RUNDC3B: variants seen among roughly 807,000 people sequenced by gnomAD.
The protein encoded by RUNDC3B is RUN domain containing 3B.
Under a neutral mutation model 58.4 loss-of-function variants are expected in RUNDC3B, and 33 were observed. The observed-to-expected ratio is 0.56, with a 90% CI of 0.43 to 0.75. The LOEUF is 0.75. Ranked by LOEUF, RUNDC3B falls within the 30% of genes least tolerant of loss-of-function variation. The pLI is 0.00. For synonymous variants in RUNDC3B, 193 were observed against 195.2 expected, an observed-to-expected ratio of 0.99 and a Z score of 0.10; for missense variants, 501 against 535.7, an observed-to-expected ratio of 0.94 and a Z score of 0.64.
intron 2 of RUNDC3B, among the ~76,000 whole-genome samples, chr7:87,658,902 T>G (rs1303562449): frequency 1.3e-5 from 2 of 152,116 alleles, no homozygotes; most frequent in African/African-American, 4.8e-5. Flanking sequence ...AAGAAAGAAC[T>G]TTAGGCTGGG....
At chr7:87,690,793 T>A (rs915701094) in intron 2 of RUNDC3B, among the ~76,000 whole-genome samples, 1 of 152,166 alleles carries the variant, frequency 6.6e-6, no homozygotes, top group Non-Finnish European at 1.5e-5. Context: ...TATTATCTGA[T>A]CACTTATAAT....
At chr7:87,644,488 G>A (rs1584984857) in intron 1 of RUNDC3B, among the ~76,000 whole-genome samples, 1 of 152,098 alleles carries the variant, frequency 6.6e-6, no homozygotes, top group Admixed American at 6.6e-5. Flanking sequence ...GGATACTTAC[G>A]TTCTATTAAA....
chr7:87,773,233 G>A (rs1328964775), intron 7 of RUNDC3B, among the ~76,000 whole-genome samples: 1 of 149,376 alleles, frequency 6.7e-6, no homozygotes, highest in Non-Finnish European at 1.5e-5. Context: ...TGAGGCAGGA[G>A]AATGGCATGA....
At chr7:87,806,277 A>G (rs1437470120) in intron 8 of RUNDC3B, among the ~76,000 whole-genome samples, 2 of 152,214 alleles carry the variant, frequency 1.3e-5, no homozygotes, top group Admixed American at 6.6e-5. Flanking sequence ...TTACTCCATT[A>G]GTATCATTGT....
intron 2 of RUNDC3B, among the ~76,000 whole-genome samples, chr7:87,697,520 G>A (rs1476374421): frequency 6.6e-6 from 1 of 152,180 alleles, no homozygotes; most frequent in Admixed American, 6.5e-5. Flanking sequence ...AGTTGGATTA[G>A]GGAGTAAGTT....
chr7:87,824,364 G>A (rs1837676123), intron 10 of RUNDC3B, among the ~76,000 whole-genome samples: 1 of 152,164 alleles, frequency 6.6e-6, no homozygotes, highest in Non-Finnish European at 1.5e-5. Context: ...GAGTTTCCCT[G>A]CACAAGCTCT....
At chr7:87,827,223 C>A (rs190025057) in intron 10 of RUNDC3B, among the ~76,000 whole-genome samples, 44 of 152,320 alleles carry the variant, frequency 2.9e-4, no homozygotes, top group African/African-American at 1.0e-3. Flanking sequence ...CATGGTGGCT[C>A]ATGCCTGTAA....
At chr7:87,772,358 A>ACACTGC (rs1482473039) in intron 7 of RUNDC3B, among the ~76,000 whole-genome samples, 2 of 152,152 alleles carry the variant, frequency 1.3e-5, no homozygotes, top group African/African-American at 4.8e-5. Flanking sequence ...ACTGACTAAA[A>ACACTGC]ATATCAGAAA....
At chr7:87,693,676 GAC>G (rs1353134974) in intron 2 of RUNDC3B, among the ~76,000 whole-genome samples, 1 of 152,156 alleles carries the variant, frequency 6.6e-6, no homozygotes, top group Non-Finnish European at 1.5e-5. Flanking sequence ...TTGACTTACA[GAC>G]ACCTTAGCCT....
chr7:87,816,371 G>T (rs1837034089), intron 10 of RUNDC3B, 109 bp downstream of exon 10: 3 of 782,542 alleles, frequency 3.8e-6, no homozygotes, highest in Non-Finnish European at 5.9e-6. Flanking sequence ...AATCATGCTA[G>T]AAATTAAGCA....
At chr7:87,649,100 G>A (rs958113150) in intron 1 of RUNDC3B, among the ~76,000 whole-genome samples, 2 of 151,776 alleles carry the variant, frequency 1.3e-5, no homozygotes, top group Non-Finnish European at 2.9e-5. Flanking sequence ...ATTCCCCACT[G>A]TCTTAGGCAC....
At chr7:87,800,491 C>T (rs1164418303) in intron 8 of RUNDC3B, among the ~76,000 whole-genome samples, 3 of 152,062 alleles carry the variant, frequency 2.0e-5, no homozygotes, top group Non-Finnish European at 4.4e-5. Context: ...ATACTGATTT[C>T]AAATCATTCA....
Position 87,817,020 on chromosome 7 carries a change from C to A in RUNDC3B, c.1225+758C>A, listed in dbSNP as rs554763552. Among the ~76,000 whole-genome samples, 6 of 152,270 alleles carry A rather than the reference C, an allele frequency of 3.9e-5. No individual in the cohort carries two copies. The East Asian group carries it at 9.6e-4, about 24-fold the overall frequency. On this transcript the variant is annotated intron_variant, in intron 10 of 10. Transcript: ENST00000394654. Reference sequence around the variant, plus strand: ...AATCTTTTATCTTTCTTTCTTTCCTCCCAGTTTACAACTTCAGGTATATAT... The same window carrying A: ...AATCTTTTATCTTTCTTTCTTTCCTACCAGTTTACAACTTCAGGTATATAT...
intron 8 of RUNDC3B, among the ~76,000 whole-genome samples, chr7:87,782,430 T>C (rs762287458): frequency 6.6e-6 from 1 of 152,112 alleles, no homozygotes; most frequent in Non-Finnish European, 1.5e-5. Flanking sequence ...TGTTTGGTTT[T>C]ATTGATCCTT....
In RUNDC3B at chr7:87,691,322, A is replaced by T. The variant is rs139291341; in HGVS notation, c.239-9099A>T. The stretch of plus-strand genomic sequence containing the variant: ...GTATAGAAGCATTCTTCTATTGCAT[A>T]TCCATCTCTGAGTTGATTCTGCCTT... On this transcript the variant is annotated intron_variant, in intron 2 of 10. Coordinates refer to ENST00000394654, the MANE Select transcript of RUNDC3B (RefSeq NM_001134405.2). Among the ~76,000 whole-genome samples, 183 of 152,244 alleles carry T rather than the reference A, an allele frequency of 1.2e-3. 2 individuals carry two copies. Among genetic ancestry groups the T allele is most frequent in the South Asian group, 0.011 (51 of 4,828 alleles).
intron 4 of RUNDC3B, among the ~76,000 whole-genome samples, chr7:87,712,963 C>A (rs1241834305): frequency 6.6e-6 from 1 of 152,034 alleles, no homozygotes; most frequent in Non-Finnish European, 1.5e-5. Context: ...AAGTTTTTAT[C>A]TTAGAAGTTA....
At chr7:87,720,542 A>ATGTGTGTGTGTGTGTG (rs3028189) in intron 4 of RUNDC3B, among the ~76,000 whole-genome samples, 4 of 145,262 alleles carry the variant, frequency 2.8e-5, no homozygotes, top group East Asian at 4.1e-4. Context: ...GATAGGATAT[A>ATGTGTGTGTGTGTGTG]TGTGTGTGTG....
Position 87,807,407 on chromosome 7 carries a change from CAA to C in RUNDC3B, c.992_993del (p.Gln331ArgfsTer33). The C allele has an allele frequency of 1.2e-6, 2 of 1,613,728 alleles. No homozygotes were observed. The highest frequency in any genetic ancestry group is 1.7e-6 in the Non-Finnish European group (2 of 1,179,694). ...VLKNNDLRSR[Q>X]ELTAHLTNQW... Reference sequence around the variant, plus strand: ...AAAGAATAATGATTTAAGATCGAGACAAGAGTTAACTGCCCATCTCACCAACC... The same window carrying C: ...AAAGAATAATGATTTAAGATCGAGACGAGTTAACTGCCCATCTCACCAACC... On this transcript the variant is annotated frameshift_variant, in exon 9 of 11. Transcript: ENST00000394654. LOFTEE classifies it high-confidence loss of function.
rs372009260 is a variant in RUNDC3B at position 87,673,592 on chromosome 7, G to A, written c.238+22655G>A. ...TGCTTCTTTCTTAAAATGGCCCTTC[G>A]ATATTTCGGCTTCTGTATCCGTTTG... On this transcript the variant is annotated intron_variant, in intron 2 of 10. Coordinates refer to ENST00000394654, the MANE Select transcript of RUNDC3B (RefSeq NM_001134405.2). 6.6e-5 allele frequency among the ~76,000 whole-genome samples: 10 copies of A among 152,262 alleles called. No homozygotes were observed. In the East Asian group the frequency reaches 1.2e-3, roughly 18 times the overall value.
Sources: gnomAD v4.1 joint callset for allele counts (sites outside exome capture counted in the v4.1 genomes callset) on GRCh38, gnomAD v4.1.1 for gene constraint, MANE v1.5 for transcripts, NCBI Gene and HGNC (gene_info 2026-07-23, HGNC 2026-07-21) for gene names.